CD8B: variants seen among roughly 807,000 people sequenced by gnomAD.
CD8B encodes the protein CD8 subunit beta.
CD8B carries 6 observed loss-of-function variants against 24.2 expected under a neutral mutation model. The ratio of observed to expected loss-of-function variants is 0.25; its 90% CI spans 0.14 to 0.49. The LOEUF is 0.49. Among genes scored for constraint, CD8B ranks in the 20% least tolerant of loss-of-function variants. The probability of loss-of-function intolerance (pLI) is 0.98; values close to 1 mark genes in which losing one functional copy is unlikely to be tolerated. For missense variants in CD8B, 196 were observed against 271.3 expected, an observed-to-expected ratio of 0.72 and a Z score of 1.95; for synonymous variants, 84 against 108.3, an observed-to-expected ratio of 0.78 and a Z score of 1.39.
At chr2:86,837,543 G>A (rs1675225462), downstream of CD8B, among the ~76,000 whole-genome samples, 1 of 151,964 alleles carries the variant, frequency 6.6e-6, no homozygotes, top group Admixed American at 6.5e-5. Flanking sequence ...GAAGGCCTCT[G>A]AAGACAGGGC....
rs1158274735 is a variant in CD8B, at chr2:86,840,342, A to G, written c.*1965T>C. Among the ~76,000 whole-genome samples the G allele has an allele frequency of 6.6e-6, 1 of 152,212 alleles. No homozygotes were observed. The highest frequency in any genetic ancestry group is 1.5e-5 in the Non-Finnish European group (1 of 68,030). On this transcript the variant is annotated 3_prime_UTR_variant, in exon 6 of 6. Transcript: ENST00000390655. ...CATCTAAGGCCAATTAACATACACC[A>G]AAAGGAAAAACCCCATCTCCCCACA...
intron 5 of CD8B, among the ~76,000 whole-genome samples, chr2:86,818,802 G>A (rs1331213161): frequency 1.3e-5 from 2 of 152,212 alleles, no homozygotes; most frequent in Non-Finnish European, 2.9e-5. Flanking sequence ...AGCTAGAAAT[G>A]ATTAAGTTTA....
intron 2 of CD8B, among the ~76,000 whole-genome samples, chr2:86,856,440 C>T (rs372365030): frequency 1.1e-4 from 16 of 152,200 alleles, no homozygotes; most frequent in African/African-American, 3.6e-4. Context: ...TGGACCCCCA[C>T]GTGAAGGGAT....
chr2:86,858,348 T>C lies in CD8B; in HGVS notation c.112A>G (p.Met38Val). The change falls in exon 2 of 6, where the codon ATG (methionine) becomes GTG (valine). Residue 38 changes from methionine to valine, a missense_variant. Coordinates refer to ENST00000390655, the MANE Select transcript of CD8B (RefSeq NM_004931.5). The stretch of plus-strand genomic sequence containing the variant: ...GAGATTTTAGCCTCGCAGGACAGCA[T>C]CACCATCTTGTTGGTTTGCACCTTT... ...YIKVQTNKMV[M>V]LSCEAKISLS... 1.2e-6 allele frequency: 2 copies of C among 1,613,832 alleles called. No homozygotes were observed. The highest frequency in any genetic ancestry group is 1.7e-6 in the Non-Finnish European group (2 of 1,179,818).
intron 1 of CD8B, among the ~76,000 whole-genome samples, chr2:86,860,709 C>T (rs185779223): frequency 0.01 from 1,555 of 152,272 alleles, 9 homozygotes; most frequent in East Asian, 0.022. Context: ...TATGTGCTCA[C>T]GAGCACACAG....
At chr2:86,849,901 G>A (rs1460196969) in intron 3 of CD8B, among the ~76,000 whole-genome samples, 3 of 151,872 alleles carry the variant, frequency 2.0e-5, no homozygotes, top group Admixed American at 1.3e-4. Flanking sequence ...ACGGGGTTTC[G>A]CCATGTTGAT....
intron 3 of CD8B, among the ~76,000 whole-genome samples, chr2:86,847,871 T>C (rs1345991540): frequency 6.6e-6 from 1 of 152,196 alleles, no homozygotes; most frequent in Non-Finnish European, 1.5e-5. Context: ...TGGCCTTAAA[T>C]ACATATAGTT....
chr2:86,837,724 A>AC (rs1312898925), downstream of CD8B, among the ~76,000 whole-genome samples: 2 of 115,236 alleles, frequency 1.7e-5, no homozygotes, highest in African/African-American at 6.9e-5. Context: ...GTGGTGTAGG[A>AC]CCCCCCTTCT....
chr2:86,854,179 G>A (rs1676117014), intron 2 of CD8B, among the ~76,000 whole-genome samples: 2 of 152,030 alleles, frequency 1.3e-5, no homozygotes, highest in Non-Finnish European at 2.9e-5. Context: ...GGGACAGTGT[G>A]TCCAAAAAAA....
Position 86,858,094 on chromosome 2 carries a change from G to A in CD8B, c.366C>T (p.Pro122=), listed in dbSNP as rs768549471. ...GIYFCMIVGS[P]ELTFGKGTQL... is the part of the protein sequence containing the mutation. ...GAGTTCCCTTCCCGAAGGTCAGCTC[G>A]GGGCTCCCGACGATCATGCAGAAGT... The change falls in exon 2 of 6, where the codon CCC becomes CCT. Residue 122 remains proline (P), a synonymous_variant. Transcript: ENST00000390655. 39 of 1,613,812 alleles carry A rather than the reference G, an allele frequency of 2.4e-5. No individual in the cohort carries two copies. Among genetic ancestry groups the A allele is most frequent in the Admixed American group, 5.0e-5 (3 of 60,002 alleles).
intron 5 of CD8B, among the ~76,000 whole-genome samples, chr2:86,819,198 A>T (rs781780742): frequency 3.2e-4 from 48 of 152,352 alleles, no homozygotes; most frequent in Non-Finnish European, 5.7e-4. Flanking sequence ...GTGAAGAAGC[A>T]GGTGCTAATA....
chr2:86,822,040 A>G (rs1171564517), intron 5 of CD8B, among the ~76,000 whole-genome samples: 1 of 152,078 alleles, frequency 6.6e-6, no homozygotes, highest in African/African-American at 2.4e-5. Context: ...GCAGCTCCCA[A>G]CAGTCCTGCC....
chr2:86,856,364 G>A (rs750860042), intron 2 of CD8B, among the ~76,000 whole-genome samples: 6 of 152,038 alleles, frequency 3.9e-5, no homozygotes, highest in Middle Eastern at 6.8e-3. Context: ...AAAACAATAA[G>A]CTAAAGCCAA....
chr2:86,833,947 C>A (rs61038907), downstream of CD8B, among the ~76,000 whole-genome samples: 49,197 of 151,782 alleles, frequency 0.32, 8,446 homozygotes, highest in Non-Finnish European at 0.39. Flanking sequence ...CCGTGCCCGG[C>A]CAAATCATTC....
At position 86,846,742 on chromosome 2, in the gene CD8B, C is replaced by A. The variant is rs1233266019; in HGVS notation, c.525G>T (p.Leu175=). 5 of 1,584,466 alleles carry A rather than the reference C, an allele frequency of 3.2e-6. No homozygotes were observed. The East Asian group carries it at 9.1e-5, about 29-fold the overall frequency. Residue 175 remains leucine (L), a synonymous_variant, in exon 4 of 6, where the codon CTG becomes CTT. Transcript: ENST00000390655. ...GPLCSPITLG[L]LVAGVLVLLV... ...GCAGAACCAGGACGCCAGCCACCAG[C>A]AGGCCAAGGGTGATGGGGCTACAAA... is the stretch of plus-strand genomic sequence containing the variant.
chr2:86,842,407 T>C (rs963860257), intron 5 of CD8B, 88 bp from the exon 6 acceptor site: 1 of 1,573,782 alleles, frequency 6.4e-7, no homozygotes, highest in Non-Finnish European at 8.6e-7. Flanking sequence ...CAAATGAGAA[T>C]GCAGAGTTCT....
At chr2:86,857,426 G>T (rs1016452431) in intron 2 of CD8B, among the ~76,000 whole-genome samples, 1 of 152,148 alleles carries the variant, frequency 6.6e-6, no homozygotes, top group Non-Finnish European at 1.5e-5. Flanking sequence ...CCCATAAGAA[G>T]AATAATGCCT....
rs746569858 is a variant in CD8B at position 86,829,095 on chromosome 2, C to CTTTTTTTTTTTTT, written c.621-13390_621-13378dup. Reference sequence around the variant, plus strand: ...TTACCATTTTGGCATATGCTCTTTACTTTTTTTTTTTTTTTTTTTTTTGAG... The same window carrying CTTTTTTTTTTTTT: ...TTACCATTTTGGCATATGCTCTTTACTTTTTTTTTTTTTTTTTTTTTTTTTTTTTTTTTTTGAG... On this transcript the variant is annotated intron_variant, in intron 5 of 5. Coordinates refer to the CD8B transcript ENST00000331469. 6.3e-4 allele frequency among the ~76,000 whole-genome samples: 52 copies of CTTTTTTTTTTTTT among 82,988 alleles called. 8 individuals carry two copies. The highest frequency in any genetic ancestry group is 7.4e-4 in the Non-Finnish European group (33 of 44,462). 54.4% of individuals were successfully genotyped at this position (82,988 alleles called of 152,430 possible). A position where few individuals can be genotyped will look rare whatever the true frequency, so the allele number is the denominator to read the frequency against.
Position 86,858,158 on chromosome 2 carries a change from A to G in CD8B, c.302T>C (p.Leu101Pro), listed in dbSNP as rs1311840738. The G allele has an allele frequency of 6.2e-7, 1 of 1,613,972 alleles. No individual in the cohort carries two copies. Among genetic ancestry groups the G allele is most frequent in the Non-Finnish European group, 8.5e-7 (1 of 1,179,864 alleles). The change falls in exon 2 of 6, where the codon CTC becomes CCC. Residue 101 changes from leucine to proline, a missense_variant. Physicochemically the swap from Leu to Pro is moderately conservative, Grantham distance 98. Transcript: ENST00000390655. ...AVFRDASRFILNLTSVKPEDS... is the reference protein window; with the variant it reads ...AVFRDASRFIPNLTSVKPEDS... Reference sequence around the variant, plus strand: ...TTCCGGCTTCACGCTTGTGAGATTGAGAATGAACCGGCTTGCATCCCGAAA... The same window carrying G: ...TTCCGGCTTCACGCTTGTGAGATTGGGAATGAACCGGCTTGCATCCCGAAA...
Sources: allele counts gnomAD v4.1 joint callset (sites outside exome capture counted in the v4.1 genomes callset), GRCh38; gene constraint gnomAD v4.1.1; transcripts MANE v1.5; gene names NCBI Gene and HGNC (gene_info 2026-07-23, HGNC 2026-07-21).